RSPO2: variants seen among roughly 807,000 people sequenced by gnomAD.
RSPO2 encodes R-spondin-2.
RSPO2 carries 14 observed loss-of-function variants against 30.9 expected under a neutral mutation model. That is an observed-to-expected ratio of 0.45 (90% CI 0.30 to 0.71). The LOEUF (loss-of-function observed/expected upper bound fraction) is 0.71. Ranked by LOEUF, RSPO2 falls within the 30% of genes least tolerant of loss-of-function variation. RSPO2 has a pLI of 0.08. For missense variants in RSPO2, 264 were observed against 301.9 expected (o/e 0.87, Z 0.93); for synonymous variants, 107 against 96.4 (o/e 1.11, Z -0.64).
chr8:107,968,402 C>T (rs1057406751), intron 3 of RSPO2, among the ~76,000 whole-genome samples: 7 of 151,990 alleles, frequency 4.6e-5, no homozygotes, highest in African/African-American at 1.7e-4. Flanking sequence ...AAAAGTAGAT[C>T]TCATGGAGAT....
chr8:108,023,500 T>G (rs1811115268), intron 2 of RSPO2, among the ~76,000 whole-genome samples: 1 of 152,162 alleles, frequency 6.6e-6, no homozygotes, highest in Non-Finnish European at 1.5e-5. Context: ...TGATTTTCGA[T>G]TCAGAGTTAA....
At chr8:107,931,801 C>G (rs1283308068) in intron 5 of RSPO2, among the ~76,000 whole-genome samples, 1 of 152,128 alleles carries the variant, frequency 6.6e-6, no homozygotes, top group Non-Finnish European at 1.5e-5. Context: ...ATATTGTACA[C>G]ACAAAGGTAA....
At chr8:108,018,860 C>T (rs1810973474) in intron 2 of RSPO2, among the ~76,000 whole-genome samples, 1 of 152,092 alleles carries the variant, frequency 6.6e-6, no homozygotes, top group African/African-American at 2.4e-5. Flanking sequence ...TTTAATGATT[C>T]ATATTTTAAG....
intron 5 of RSPO2, among the ~76,000 whole-genome samples, chr8:107,930,743 G>T (rs1041663581): frequency 6.6e-6 from 1 of 152,118 alleles, no homozygotes; most frequent in Non-Finnish European, 1.5e-5. Context: ...TCTCACACTT[G>T]GAGAAACTGG....
At chr8:108,043,011 C>T (rs138273942) in intron 2 of RSPO2, among the ~76,000 whole-genome samples, 2 of 151,968 alleles carry the variant, frequency 1.3e-5, no homozygotes, top group African/African-American at 4.8e-5. Flanking sequence ...GCTAAAACAT[C>T]CTGAGTATAC....
intron 2 of RSPO2, among the ~76,000 whole-genome samples, chr8:108,059,086 T>C (rs1812361381): frequency 6.6e-6 from 1 of 151,818 alleles, no homozygotes. Flanking sequence ...GAGAAAATTT[T>C]TGCAACCTAC....
chr8:107,951,054 T>A (rs1813228933), intron 5 of RSPO2, among the ~76,000 whole-genome samples: 1 of 145,414 alleles, frequency 6.9e-6, no homozygotes, highest in Non-Finnish European at 1.5e-5. Flanking sequence ...TTTTTTTTTG[T>A]TGTTGTTGTT....
intron 5 of RSPO2, among the ~76,000 whole-genome samples, chr8:107,948,022 T>C (rs1251283939): frequency 6.6e-6 from 1 of 152,248 alleles, no homozygotes; most frequent in Non-Finnish European, 1.5e-5. Context: ...TAAGTTATCC[T>C]CTTCAGGAAC....
intron 2 of RSPO2, among the ~76,000 whole-genome samples, chr8:108,044,095 A>G (rs937862296): frequency 6.6e-6 from 1 of 151,882 alleles, no homozygotes; most frequent in Non-Finnish European, 1.5e-5. Context: ...CCCAATGGTT[A>G]TGCCACTATC....
At chr8:107,956,776 A>G (rs767178392) in intron 5 of RSPO2, among the ~76,000 whole-genome samples, 3 of 152,240 alleles carry the variant, frequency 2.0e-5, no homozygotes, top group African/African-American at 4.8e-5. Flanking sequence ...TTTATTTCCA[A>G]TACCTGAATA....
intron 2 of RSPO2, among the ~76,000 whole-genome samples, chr8:108,025,683 A>C (rs1020806816): frequency 2.0e-5 from 3 of 151,592 alleles, no homozygotes; most frequent in Admixed American, 6.6e-5. Flanking sequence ...ACCCCACCAC[A>C]CTTGGCTGAT....
At chr8:108,082,395 G>C (rs1161764667) in intron 2 of RSPO2, 150 bp downstream of exon 2, 1 of 603,728 alleles carries the variant, frequency 1.7e-6, no homozygotes, top group Non-Finnish European at 2.9e-6. Context: ...TAGAGCTCCA[G>C]GGTCCTAAAG....
intron 2 of RSPO2, among the ~76,000 whole-genome samples, chr8:108,007,284 C>T (rs1274011432): frequency 6.6e-6 from 1 of 152,134 alleles, no homozygotes; most frequent in Non-Finnish European, 1.5e-5. Context: ...ATTGCGGCCA[C>T]ACAGATTCAC....
intron 2 of RSPO2, among the ~76,000 whole-genome samples, chr8:108,020,084 A>T (rs924553017): frequency 1.3e-5 from 2 of 151,966 alleles, no homozygotes; most frequent in East Asian, 3.9e-4. Flanking sequence ...TTACAAAAAA[A>T]AAAAAAAAGA....
chr8:108,009,901 T>C (rs1312052984), intron 2 of RSPO2, among the ~76,000 whole-genome samples: 1 of 151,468 alleles, frequency 6.6e-6, no homozygotes, highest in Non-Finnish European at 1.5e-5. Context: ...ATACCAAAAT[T>C]AGTCAAGTGT....
intron 2 of RSPO2, among the ~76,000 whole-genome samples, chr8:107,991,675 T>C (rs1814852737): frequency 6.6e-6 from 1 of 152,142 alleles, no homozygotes; most frequent in Non-Finnish European, 1.5e-5. Context: ...ATTTAGCATC[T>C]ATAAAGATCT....
Position 107,914,644 on chromosome 8 carries a change from C to A in RSPO2, c.617-13454G>T, listed in dbSNP as rs182270802. 4.1e-3 allele frequency among the ~76,000 whole-genome samples: 628 copies of A among 152,136 alleles called. 4 individuals are homozygous for A. The highest frequency in any genetic ancestry group is 5.4e-3 in the Non-Finnish European group (369 of 67,966). Reference sequence around the variant, plus strand: ...TTGAGAACAGATGTAAAAAAACCTTCCTCCTTTAGAATTTTCAAAAATTAG... The same window carrying A: ...TTGAGAACAGATGTAAAAAAACCTTACTCCTTTAGAATTTTCAAAAATTAG... On this transcript the variant is annotated intron_variant, in intron 5 of 5. Coordinates refer to ENST00000276659, the MANE Select transcript of RSPO2 (RefSeq NM_178565.5).
intron 2 of RSPO2, among the ~76,000 whole-genome samples, chr8:108,067,728 A>G (rs952123095): frequency 6.6e-6 from 1 of 152,228 alleles, no homozygotes; most frequent in Non-Finnish European, 1.5e-5. Context: ...AGTAGGCAAT[A>G]TTGAGATTTC....
chr8:107,970,024 C>T (rs750112526), intron 3 of RSPO2, among the ~76,000 whole-genome samples: 1 of 152,094 alleles, frequency 6.6e-6, no homozygotes, highest in Non-Finnish European at 1.5e-5. Flanking sequence ...CACTCAACCC[C>T]CATCCAAGGA....
Sources: gnomAD v4.1 joint callset for allele counts (sites outside exome capture counted in the v4.1 genomes callset) on GRCh38, gnomAD v4.1.1 for gene constraint, MANE v1.5 for transcripts, NCBI Gene and HGNC (gene_info 2026-07-23, HGNC 2026-07-21) for gene names.